RGL3: variants seen among roughly 807,000 people sequenced by gnomAD.
RGL3 encodes the protein ral guanine nucleotide dissociation stimulator-like 3.
Under a neutral mutation model 90.6 loss-of-function variants are expected in RGL3, and 85 were observed. That is an observed-to-expected ratio of 0.94 (90% CI 0.79 to 1.12). RGL3 has a LOEUF of 1.12. Ranked by LOEUF, RGL3 falls within the 50% of genes most tolerant of loss-of-function variation. The pLI, the probability that RGL3 is intolerant of heterozygous loss-of-function variation, is 0.00. For missense variants in RGL3, 1,034 were observed against 939.2 expected (o/e 1.10, Z -1.32); for synonymous variants, 408 against 385.5 (o/e 1.06, Z -0.68).
At position 11,394,479 on chromosome 19, in the gene RGL3, T is replaced by C. The variant is rs766304864; in HGVS notation, c.2056A>G (p.Ser686Gly). Residue 686 changes from serine (S) to glycine (G), a missense_variant, in exon 19 of 19, where the codon AGT becomes GGT. Ser to Gly is a moderately conservative substitution (Grantham distance 56, BLOSUM62 0). Coordinates refer to ENST00000380456, the MANE Select transcript of RGL3 (RefSeq NM_001035223.4). ...ATGAAGTCTCTGGGGGCGACTGGAC[T>C]CATGGCATAGAAGACGTTGGCATTG... ...PDNANVFYAM[S>G]PVAPRDFMLR... is the part of the protein sequence containing the mutation. 3.1e-6 allele frequency: 5 copies of C among 1,613,896 alleles called. No homozygotes were observed. Among genetic ancestry groups the C allele is most frequent in the East Asian group, 2.2e-5 (1 of 44,890 alleles).
rs1279062204 is a variant in RGL3, at chr19:11,418,650, C to A, written c.147+21G>T. 7 of 1,522,150 alleles carry A rather than the reference C, an allele frequency of 4.6e-6. No homozygotes were observed. In the Admixed American group the frequency reaches 1.4e-4, roughly 30 times the overall value. The allele number at this position is 1,522,150 out of a possible 1,614,324, so 94.3% of individuals were successfully genotyped here. A position where few individuals can be genotyped will look rare whatever the true frequency, so the allele number is the denominator to read the frequency against. On this transcript the variant is annotated intron_variant, in intron 2 of 18. Coordinates refer to ENST00000380456, the MANE Select transcript of RGL3 (RefSeq NM_001035223.4). ...ACTGGTCGCTTCCGGCCCCGCGCCA[C>A]CCACCAAACCCCCTCCTCACCTGGC...
At chr19:11,414,197 TTATA>T (rs58572497) in intron 5 of RGL3, among the ~76,000 whole-genome samples, 18 of 65,248 alleles carry the variant, frequency 2.8e-4, no homozygotes, top group African/African-American at 1.1e-3. Context: ...ATATATACCT[TTATA>T]TATATATATA....
Position 11,402,459 on chromosome 19 carries a change from A to C in RGL3, c.1325T>G (p.Leu442Trp). ...VMLDTALPDM[L>W]EGDLINFEKR... is the part of the protein sequence containing the mutation. ...GTCAAGGGTCAGGGGTCAGACCTCC[A>C]ACATATCCGGCAGGGCTGTGTCCAG... The change falls in exon 11 of 19, where the codon TTG becomes TGG. Residue 442 changes from leucine (L) to tryptophan (W), a missense_variant. Coordinates refer to ENST00000380456, the MANE Select transcript of RGL3 (RefSeq NM_001035223.4). 1 of 1,600,826 alleles carries C rather than the reference A, an allele frequency of 6.2e-7. No individual in the cohort carries two copies. Among genetic ancestry groups the C allele is most frequent in the Non-Finnish European group, 8.5e-7 (1 of 1,174,500 alleles).
rs868651065 is a variant in RGL3 at position 11,410,685 on chromosome 19, T to G, written c.638-3821A>C. On this transcript the variant is annotated intron_variant, in intron 5 of 18. Transcript: ENST00000380456. ...TGACAGAGCAAGAAACTGTCTCTCC[T>G]CCCCCCACCCCAAAAAAAAGTGGGC... 7.0e-4 allele frequency among the ~76,000 whole-genome samples: 103 copies of G among 147,784 alleles called. 1 individual carries two copies. Among genetic ancestry groups the G allele is most frequent in the South Asian group, 3.4e-3 (16 of 4,648 alleles).
chr19:11,406,469 C>T lies in RGL3; in HGVS notation c.946G>A (p.Ala316Thr), dbSNP rs749081696. 10 of 1,552,184 alleles carry T rather than the reference C, an allele frequency of 6.4e-6. No homozygotes were observed. Among genetic ancestry groups the T allele is most frequent in the Non-Finnish European group, 1.7e-6 (2 of 1,151,948 alleles). Residue 316 changes from alanine to threonine, a missense_variant, in exon 7 of 19, where the codon GCC (alanine) becomes ACC (threonine). Ala to Thr is a moderately conservative substitution (Grantham distance 58, BLOSUM62 0). Transcript: ENST00000380456. Reference protein sequence around the residue: ...LGSVLGAPGLAAPQRAQRLEK... With the variant: ...LGSVLGAPGLTAPQRAQRLEK... ...AGCCGCTGCGCCCTCTGCGGGGCGG[C>T]CAAGCCCGGTGCTCCGAGCACGGAA...
intron 5 of RGL3, among the ~76,000 whole-genome samples, chr19:11,411,608 T>C (rs1317942030): frequency 6.6e-6 from 1 of 152,168 alleles, no homozygotes; most frequent in African/African-American, 2.4e-5. Flanking sequence ...ATTTGAATAT[T>C]TGAATATAGA....
chr19:11,414,219 A>ATATATACCTT (rs1555720138), intron 5 of RGL3, among the ~76,000 whole-genome samples: 14 of 87,616 alleles, frequency 1.6e-4, no homozygotes, highest in African/African-American at 5.6e-4. Context: ...ATACCTTTAT[A>ATATATACCTT]TATATATACC....
At chr19:11,418,387 C>A in intron 2 of RGL3, 2 of 486,160 alleles carry the variant, frequency 4.1e-6, no homozygotes, top group Non-Finnish European at 7.3e-6. Context: ...GCCCTCTAAA[C>A]CTGCCTTTCC....
rs1241547137 is a variant in RGL3, at chr19:11,418,762, T to C, written c.56A>G (p.Glu19Gly). 1 of 1,565,904 alleles carries C rather than the reference T, an allele frequency of 6.4e-7. No homozygotes were observed. The highest frequency in any genetic ancestry group is 1.9e-5 in the Admixed American group (1 of 53,578). The change falls in exon 2 of 19, where the codon GAA becomes GGA. Residue 19 changes from glutamate (E) to glycine (G), a missense_variant. Glu to Gly is a moderately conservative substitution (Grantham distance 98, BLOSUM62 -2). Coordinates refer to ENST00000380456, the MANE Select transcript of RGL3 (RefSeq NM_001035223.4). ...LALAPLQDWGEETEDGAVYSV... is the reference protein window; with the variant it reads ...LALAPLQDWGGETEDGAVYSV... The stretch of plus-strand genomic sequence containing the variant: ...GTACACCGCGCCGTCCTCGGTCTCT[T>C]CACCCCAGTCCTGCAGCGGTGCCTG...
chr19:11,416,495 C>T (rs1483384765), intron 4 of RGL3, 119 bp downstream of exon 4: 2 of 994,616 alleles, frequency 2.0e-6, no homozygotes, highest in Non-Finnish European at 3.2e-6. Context: ...CACCACGCCC[C>T]ACCTGACTCC....
intron 5 of RGL3, among the ~76,000 whole-genome samples, chr19:11,410,497 C>T (rs1224131807): frequency 1.3e-5 from 2 of 151,812 alleles, no homozygotes; most frequent in African/African-American, 2.4e-5. Flanking sequence ...GCCTGGGCGG[C>T]GTAGTGAGAC....
At chr19:11,395,830 T>C (rs898708887) in intron 18 of RGL3, among the ~76,000 whole-genome samples, 7 of 151,834 alleles carry the variant, frequency 4.6e-5, no homozygotes, top group South Asian at 2.1e-4. Context: ...GGCTTCACCA[T>C]GTTGGCCAGG....
intron 2 of RGL3, 29 bp downstream of exon 2, chr19:11,418,642 C>T (rs1599448008): frequency 1.3e-6 from 2 of 1,510,206 alleles, no homozygotes; most frequent in African/African-American, 2.8e-5. Flanking sequence ...GCTTCCGGCC[C>T]CGCGCCACCC....
intron 5 of RGL3, 29 bp from the exon 6 acceptor site, chr19:11,406,893 C>A: frequency 6.3e-7 from 1 of 1,593,538 alleles, no homozygotes; most frequent in South Asian, 1.1e-5. Context: ...TACAAACTCT[C>A]AAGTTTGAAT....
intron 9 of RGL3, 29 bp downstream of exon 9, chr19:11,405,118 A>C (rs1226137840): frequency 6.2e-7 from 1 of 1,601,464 alleles, no homozygotes; most frequent in Non-Finnish European, 8.6e-7. Flanking sequence ...CCCGGGCCTA[A>C]AATCCCTGGA....
Position 11,416,443 on chromosome 19 carries a change from C to A in RGL3, c.425+171G>T. The A allele has an allele frequency of 4.1e-6, 3 of 726,610 alleles. No homozygotes were observed. The South Asian group carries it at 4.8e-5, about 12-fold the overall frequency. The allele number at this position is 726,610 out of a possible 1,614,324, so 45.0% of individuals were successfully genotyped here. On this transcript the variant is annotated intron_variant, in intron 4 of 18. Transcript: ENST00000380456. ...CTAACTCCTGACCTCCAGTGATCCA[C>A]CTGCCTCGGCCTCCCAAAGTGTTGG... is the stretch of plus-strand genomic sequence containing the variant.
At chr19:11,418,491 A>G in intron 2 of RGL3, 180 bp downstream of exon 2, 4 of 557,016 alleles carry the variant, frequency 7.2e-6, no homozygotes, top group South Asian at 2.2e-5. Context: ...CATTCCCTGG[A>G]TCTCCCCCCA....
chr19:11,405,101 C>G (rs377494062), intron 9 of RGL3, 46 bp downstream of exon 9: 32 of 1,553,490 alleles, frequency 2.1e-5, no homozygotes, highest in Non-Finnish European at 2.8e-5. Context: ...AGTCCCTCCC[C>G]CGACTTCCCG....
At chr19:11,404,103 G>A (rs2054305595) in intron 9 of RGL3, among the ~76,000 whole-genome samples, 1 of 152,070 alleles carries the variant, frequency 6.6e-6, no homozygotes, top group South Asian at 2.1e-4. Flanking sequence ...GGTTGGTCTT[G>A]AACTCCTGGG....
Sources: gnomAD v4.1 joint callset for allele counts (sites outside exome capture counted in the v4.1 genomes callset) on GRCh38, gnomAD v4.1.1 for gene constraint, MANE v1.5 for transcripts, NCBI Gene and HGNC (gene_info 2026-07-23, HGNC 2026-07-21) for gene names.